Variants in PLEKHG4 observed in about 807,000 individuals in gnomAD.
PLEKHG4 encodes puratrophin-1.
Under a neutral mutation model 136.9 loss-of-function variants are expected in PLEKHG4, and 85 were observed. That is an observed-to-expected ratio of 0.62 (90% CI 0.52 to 0.74). PLEKHG4 has a LOEUF of 0.74. Among genes scored for constraint, PLEKHG4 ranks in the 30% least tolerant of loss-of-function variants. PLEKHG4 has a pLI of 0.00. For missense variants in PLEKHG4, 1,317 were observed against 1,527.8 expected, an observed-to-expected ratio of 0.86 and a Z score of 2.30; for synonymous variants, 577 against 646.9, an observed-to-expected ratio of 0.89 and a Z score of 1.64.
rs1203147818 is a variant in PLEKHG4 at position 67,288,614 on chromosome 16, A to G, written c.3570+10A>G. The G allele has an allele frequency of 6.2e-7, 1 of 1,613,862 alleles. No individual in the cohort carries two copies. The highest frequency in any genetic ancestry group is 1.7e-5 in the Admixed American group (1 of 60,028). On this transcript the variant is annotated intron_variant, in intron 21 of 21. Transcript: ENST00000379344. Reference sequence around the variant, plus strand: ...GGAGGACTTACCCTGTGTGAGTGCCATTTGCCCTATACCCACCAGCCCTTC... The same window carrying G: ...GGAGGACTTACCCTGTGTGAGTGCCGTTTGCCCTATACCCACCAGCCCTTC...
rs1188474186 is a variant in PLEKHG4 at position 67,287,973 on chromosome 16, C to G, written c.3179C>G (p.Ala1060Gly). 6.2e-7 allele frequency: 1 copy of G among 1,613,862 alleles called. No homozygotes were observed. Among genetic ancestry groups the G allele is most frequent in the Non-Finnish European group, 8.5e-7 (1 of 1,179,762 alleles). ...CGAGACATTGCTCCCAGCGAGGAAG[C>G]CATCAACGACCGCACCGTCAACTAT... ...AFRDIAPSEE[A>G]INDRTVNYVL... The change falls in exon 19 of 22, where the codon GCC becomes GGC. Residue 1060 changes from alanine (A) to glycine (G), a missense_variant. Transcript: ENST00000379344.
chr16:67,285,238 G>A, intron 13 of PLEKHG4, 23 bp downstream of exon 13: 2 of 1,613,742 alleles, frequency 1.2e-6, no homozygotes, highest in African/African-American at 1.3e-5. Context: ...GGCAGGGCGG[G>A]GAGGGCAGTA....
chr16:67,287,266 G>A lies in PLEKHG4; in HGVS notation c.3103+89G>A, dbSNP rs554066009. ...GAGCCCAGAGACCTGGGAAAAGCTC[G>A]GGAAGTGGGGAGAAGGCCCAGCGAC... On this transcript the variant is annotated intron_variant, in intron 18 of 21. Transcript: ENST00000379344. 4.2e-5 allele frequency: 58 copies of A among 1,384,778 alleles called. No homozygotes were observed. The South Asian group carries it at 4.7e-4, about 11-fold the overall frequency. The allele number at this position is 1,384,778 out of a possible 1,614,324, so 85.8% of individuals were successfully genotyped here.
Position 67,286,548 on chromosome 16 carries a change from G to A in PLEKHG4, c.2636G>A (p.Arg879Gln), listed in dbSNP as rs143124208. 7.6e-5 allele frequency: 119 copies of A among 1,567,288 alleles called. No homozygotes were observed. Among genetic ancestry groups the A allele is most frequent in the Non-Finnish European group, 9.5e-5 (110 of 1,155,064 alleles). ...KYALLLQELARACGGPTQELS... is the reference protein window; with the variant it reads ...KYALLLQELAQACGGPTQELS... The stretch of plus-strand genomic sequence containing the variant: ...GCACTGCTGCTGCAGGAGCTGGCAC[G>A]GGCCTGCGGGGGCCCCACGCAGGAG... Residue 879 changes from arginine (R) to glutamine (Q), a missense_variant, in exon 16 of 22, where the codon CGG becomes CAG. Arg to Gln is a conservative substitution (Grantham distance 43). Transcript: ENST00000379344.
In PLEKHG4 at chr16:67,279,925, G is replaced by A; in HGVS notation, c.-120G>A. On this transcript the variant is annotated 5_prime_UTR_variant, in exon 2 of 22. Transcript: ENST00000379344. ...TGGCACTAAGACTGGCACCTCCTGCGGCCCATGCCCTTCGCCTGCATTGCC... is the reference window on the plus strand; with the variant it reads ...TGGCACTAAGACTGGCACCTCCTGCAGCCCATGCCCTTCGCCTGCATTGCC... 1.0e-6 allele frequency: 1 copy of A among 994,340 alleles called. No individual in the cohort carries two copies. Among genetic ancestry groups the A allele is most frequent in the Non-Finnish European group, 1.5e-6 (1 of 676,386 alleles). The allele number at this position is 994,340 out of a possible 1,614,324, so 61.6% of individuals were successfully genotyped here.
intron 19 of PLEKHG4, 49 bp from the exon 20 acceptor site, chr16:67,288,118 G>A: frequency 6.3e-7 from 1 of 1,576,472 alleles, no homozygotes; most frequent in African/African-American, 1.3e-5. Flanking sequence ...GGGATCTGGG[G>A]CCAGGCTAGG....
chr16:67,284,965 C>G lies in PLEKHG4; in HGVS notation c.1945C>G (p.Leu649Val). Residue 649 changes from leucine (L) to valine (V), a missense_variant, in exon 13 of 22, where the codon CTA becomes GTA. Coordinates refer to ENST00000379344, the MANE Select transcript of PLEKHG4 (RefSeq NM_001129729.3). The surrounding 1 kb of genome is among the most constrained non-coding windows in gnomAD (Gnocchi z 4.4). Reference sequence around the variant, plus strand: ...CCAAAAGCTTGAGGCTTCACTGAAGCTACCACCGGTGGGCAGCACAGCTAG... The same window carrying G: ...CCAAAAGCTTGAGGCTTCACTGAAGGTACCACCGGTGGGCAGCACAGCTAG... ...LDQKLEASLK[L>V]PPVGSTASLC... 1 of 1,613,146 alleles carries G rather than the reference C, an allele frequency of 6.2e-7. No homozygotes were observed. Among genetic ancestry groups the G allele is most frequent in the Non-Finnish European group, 8.5e-7 (1 of 1,179,918 alleles).
At position 67,280,266 on chromosome 16, in the gene PLEKHG4, A is replaced by C; in HGVS notation, c.222A>C (p.Pro74=). The change falls in exon 2 of 22, where the codon CCA becomes CCC. Residue 74 remains proline (P), a synonymous_variant. Coordinates refer to ENST00000379344, the MANE Select transcript of PLEKHG4 (RefSeq NM_001129729.3). The surrounding 1 kb of genome is among the most constrained non-coding windows in gnomAD (Gnocchi z 4.4). ...SPLSRKFQLP[P]AADESGDAQR... is the part of the protein sequence containing the mutation. ...TGTCCAGGAAATTCCAGTTACCCCC[A>C]GCTGCAGATGAGTCGGGGGATGCCC... 6.2e-7 allele frequency: 1 copy of C among 1,613,860 alleles called. No homozygotes were observed.
rs2036226878 is a variant in PLEKHG4, at chr16:67,281,557, T to C, written c.814-10T>C. On this transcript the variant is annotated splice_polypyrimidine_tract_variant and intron_variant, in intron 5 of 21. Transcript: ENST00000379344. ...AGTTGGGGATAGTGCTGAGCTCAGGTTCCTTGCAGGAAGCAGCCCCAGGGG... is the reference window on the plus strand; with the variant it reads ...AGTTGGGGATAGTGCTGAGCTCAGGCTCCTTGCAGGAAGCAGCCCCAGGGG... 1.9e-6 allele frequency: 3 copies of C among 1,611,968 alleles called. No individual in the cohort carries two copies. The highest frequency in any genetic ancestry group is 2.5e-6 in the Non-Finnish European group (3 of 1,178,482).
chr16:67,282,836 A>G lies in PLEKHG4; in HGVS notation c.1487A>G (p.Gln496Arg), dbSNP rs768513129. The part of the protein sequence containing the change: ...DMLLQAQGSF[Q>R]ELYQVAQEQV... ...CTGCTCCAGGCCCAAGGCTCTTTTC[A>G]GGAGCTGTACCAGGTTGCCCAGGTA... The change falls in exon 11 of 22, where the codon CAG becomes CGG. Residue 496 changes from glutamine to arginine, a missense_variant. By Grantham distance (43) the Gln-to-Arg change is conservative. Transcript: ENST00000379344. 2.5e-6 allele frequency: 4 copies of G among 1,613,338 alleles called. No individual in the cohort carries two copies. The highest frequency in any genetic ancestry group is 1.7e-6 in the Non-Finnish European group (2 of 1,179,970).
chr16:67,282,848 A>G lies in PLEKHG4; in HGVS notation c.1499A>G (p.Gln500Arg). 1 of 1,612,538 alleles carries G rather than the reference A, an allele frequency of 6.2e-7. No homozygotes were observed. Among genetic ancestry groups the G allele is most frequent in the African/African-American group, 1.3e-5 (1 of 75,016 alleles). Residue 500 changes from glutamine to arginine, a missense_variant, in exon 11 of 22, where the codon CAG (glutamine) becomes CGG (arginine). Physicochemically the swap from Gln to Arg is conservative, Grantham distance 43. Transcript: ENST00000379344. ...QAQGSFQELY[Q>R]VAQEQVRQGE... ...CAAGGCTCTTTTCAGGAGCTGTACC[A>G]GGTTGCCCAGGTATATGTGGTCACT...
At chr16:67,279,739 G>A (rs2036123495) in intron 1 of PLEKHG4, 113 bp downstream of exon 1, 1 of 310,354 alleles carries the variant, frequency 3.2e-6, no homozygotes, top group Non-Finnish European at 6.0e-6. Flanking sequence ...CCATGGCGGG[G>A]CCGCCCCCAC....
In PLEKHG4 at chr16:67,280,861, T is replaced by C; in HGVS notation, c.596-21T>C. The C allele has an allele frequency of 6.2e-7, 1 of 1,612,826 alleles. No individual in the cohort carries two copies. Among genetic ancestry groups the C allele is most frequent in the Non-Finnish European group, 8.5e-7 (1 of 1,179,930 alleles). On this transcript the variant is annotated intron_variant, in intron 3 of 21. Coordinates refer to ENST00000379344, the MANE Select transcript of PLEKHG4 (RefSeq NM_001129729.3). This position sits in a 1 kb window ranked among gnomAD's most constrained non-coding sequence, Gnocchi z 4.4. ...GTGGAGTGGCCCAATACGGCAGGAG[T>C]TCACTGCTTCCTCCCCACAGGGACT...
At position 67,286,936 on chromosome 16, in the gene PLEKHG4, C is replaced by T. The variant is rs1300933747; in HGVS notation, c.2925+17C>T. 6.2e-6 allele frequency: 10 copies of T among 1,613,394 alleles called. No homozygotes were observed. Among genetic ancestry groups the T allele is most frequent in the Non-Finnish European group, 6.8e-6 (8 of 1,179,918 alleles). On this transcript the variant is annotated intron_variant, in intron 17 of 21. Transcript: ENST00000379344. ...TCCTTCAAGGTAGGCCTGCCCACCCCAGGCCCCACCACTTGTTTTCCCGCC... is the reference window on the plus strand; with the variant it reads ...TCCTTCAAGGTAGGCCTGCCCACCCTAGGCCCCACCACTTGTTTTCCCGCC...
chr16:67,281,157 C>CCTCTT lies in PLEKHG4; in HGVS notation c.791_795dup (p.Gly266SerfsTer20). 6.2e-7 allele frequency: 1 copy of CCTCTT among 1,613,910 alleles called. No homozygotes were observed. The highest frequency in any genetic ancestry group is 1.7e-5 in the Admixed American group (1 of 60,006). Reference sequence around the variant, plus strand: ...CCCGAATTTGTGCTCCAAGTTCTTCCCTCTTCTCTGGGCTCAGCCAACTAC... The same window carrying CCTCTT: ...CCCGAATTTGTGCTCCAAGTTCTTCCCTCTTCTCTTCTCTGGGCTCAGCCAACTAC... On this transcript the variant is annotated frameshift_variant, in exon 5 of 22. Transcript: ENST00000379344. LOFTEE classifies it high-confidence loss of function.
At chr16:67,282,692 C>G in intron 10 of PLEKHG4, 50 bp from the exon 11 acceptor site, 1 of 1,613,464 alleles carries the variant, frequency 6.2e-7, no homozygotes, top group Non-Finnish European at 8.5e-7. Flanking sequence ...AGACGTGAGC[C>G]CCCAGTCCAT....
chr16:67,286,612 C>A lies in PLEKHG4; in HGVS notation c.2700C>A (p.Phe900Leu), dbSNP rs1270725183. The A allele has an allele frequency of 1.3e-6, 2 of 1,561,940 alleles. No homozygotes were observed. The highest frequency in any genetic ancestry group is 1.4e-5 in the African/African-American group (1 of 73,576). ...ALREAQSLVHFQLRHGNDLLA... is the reference protein window; with the variant it reads ...ALREAQSLVHLQLRHGNDLLA... ...GGGAGGCCCAGAGCCTTGTGCACTT[C>A]CAGCTGCGGCACGGAAACGACCTGC... is the stretch of plus-strand genomic sequence containing the variant. Residue 900 changes from phenylalanine (F) to leucine (L), a missense_variant, in exon 16 of 22, where the codon TTC becomes TTA. Physicochemically the swap from Phe to Leu is conservative, Grantham distance 22. Coordinates refer to ENST00000379344, the MANE Select transcript of PLEKHG4 (RefSeq NM_001129729.3).
At position 67,286,540 on chromosome 16, in the gene PLEKHG4, G is replaced by A; in HGVS notation, c.2628G>A (p.Glu876=). 1.9e-6 allele frequency: 3 copies of A among 1,574,578 alleles called. No homozygotes were observed. The highest frequency in any genetic ancestry group is 2.6e-6 in the Non-Finnish European group (3 of 1,158,712). The change falls in exon 16 of 22, where the codon GAG becomes GAA. Residue 876 remains glutamate (E), a synonymous_variant. Transcript: ENST00000379344. ...GCAAGTACGCACTGCTGCTGCAGGA[G>A]CTGGCACGGGCCTGCGGGGGCCCCA... ...RMGKYALLLQ[E]LARACGGPTQ...
intron 9 of PLEKHG4, 26 bp from the exon 10 acceptor site, chr16:67,282,477 G>T (rs116918762): frequency 6.2e-7 from 1 of 1,613,692 alleles, no homozygotes; most frequent in Non-Finnish European, 8.5e-7. Context: ...AAGGCAGGGG[G>T]TCTAAGATGG....
Sources: gnomAD v4.1 joint callset for allele counts on GRCh38, gnomAD v4.1.1 for gene constraint, Gnocchi (gnomAD v3.1) non-coding constraint, MANE v1.5 for transcripts, NCBI Gene and HGNC (gene_info 2026-07-23, HGNC 2026-07-21) for gene names.